The following ALDH1L1 variants were observed in gnomAD, a reference collection of about 807,000 sequenced individuals.
ALDH1L1 encodes the protein aldehyde dehydrogenase 1 family member L1.
ALDH1L1 carries 68 observed loss-of-function variants against 101.1 expected under a neutral mutation model. The observed-to-expected ratio is 0.67, with a 90% CI of 0.55 to 0.82. The LOEUF is 0.82. Ranked by LOEUF, ALDH1L1 falls within the 40% of genes least tolerant of loss-of-function variation. ALDH1L1 has a pLI of 0.00. For synonymous variants in ALDH1L1, 486 were observed against 470.8 expected (o/e 1.03, Z -0.42); for missense variants, 1,087 against 1,172.7 (o/e 0.93, Z 1.07).
intron 12 of ALDH1L1, among the ~76,000 whole-genome samples, 198 bp from the exon 13 acceptor site, chr3:126,131,732 C>T (rs1051160417): frequency 6.6e-6 from 1 of 152,228 alleles, no homozygotes; most frequent in African/African-American, 2.4e-5. Flanking sequence ...AGGATGACAC[C>T]CTCTGTCCCT....
intron 17 of ALDH1L1, 67 bp from the exon 18 acceptor site, chr3:126,114,723 T>G (rs1342041080): frequency 1.4e-6 from 2 of 1,471,028 alleles, no homozygotes; most frequent in Non-Finnish European, 1.9e-6. Context: ...GGACCCCAGG[T>G]GGCAGGGACC....
intron 19 of ALDH1L1, among the ~76,000 whole-genome samples, chr3:126,112,322 C>A (rs1223665351): frequency 6.6e-6 from 1 of 152,222 alleles, no homozygotes. Context: ...CACAGCCTGG[C>A]CACTTGGCTC....
At chr3:126,111,837 G>A (rs1411606313) in intron 19 of ALDH1L1, among the ~76,000 whole-genome samples, 1 of 152,214 alleles carries the variant, frequency 6.6e-6, no homozygotes, top group Non-Finnish European at 1.5e-5. Context: ...GGGCGGTGGG[G>A]GGCGGTGCTC....
rs759680578 is a variant in ALDH1L1, at chr3:126,131,456, C to T, written c.1551G>A (p.Leu517=). Residue 517 remains leucine, a synonymous_variant, in exon 13 of 23, where the codon CTG becomes CTA. Coordinates refer to ENST00000393434, the MANE Select transcript of ALDH1L1 (RefSeq NM_012190.4). ...EALDAGAVYT[L]ALKTHVGMSI... is the part of the protein sequence containing the mutation. ...ACATGCCCACGTGGGTCTTCAGGGCCAGCGTGTAGACGGCACCCGCATCCA... is the reference window on the plus strand; with the variant it reads ...ACATGCCCACGTGGGTCTTCAGGGCTAGCGTGTAGACGGCACCCGCATCCA... 17 of 1,613,466 alleles carry T rather than the reference C, an allele frequency of 1.1e-5. No homozygotes were observed. Among genetic ancestry groups the T allele is most frequent in the Non-Finnish European group, 2.5e-6 (3 of 1,179,540 alleles).
intron 1 of ALDH1L1, among the ~76,000 whole-genome samples, chr3:126,178,303 C>T (rs1468058214): frequency 6.7e-6 from 1 of 149,764 alleles, no homozygotes; most frequent in Admixed American, 6.7e-5. Flanking sequence ...ATCACTTGAG[C>T]CCAGGAGTTC....
In ALDH1L1 at chr3:126,110,113, C is replaced by G. The variant is rs374600464; in HGVS notation, c.2182-4G>C. On this transcript the variant is annotated splice_region_variant and splice_polypyrimidine_tract_variant and intron_variant, in intron 19 of 22. Coordinates refer to ENST00000393434, the MANE Select transcript of ALDH1L1 (RefSeq NM_012190.4). ...TCATCTTCCGCACCTCTTCTACCTG[C>G]AGAAAGTCCTCCAAGTCAGGTGTGG... 1 of 1,613,946 alleles carries G rather than the reference C, an allele frequency of 6.2e-7. No individual in the cohort carries two copies. Among genetic ancestry groups the G allele is most frequent in the South Asian group, 1.1e-5 (1 of 91,038 alleles).
chr3:126,136,364 G>T (rs899880833), intron 11 of ALDH1L1, among the ~76,000 whole-genome samples: 1 of 152,162 alleles, frequency 6.6e-6, no homozygotes, highest in Non-Finnish European at 1.5e-5. Context: ...AGTCAAGAAG[G>T]AGTGGCAAAC....
Position 126,146,459 on chromosome 3 carries a change from T to C in ALDH1L1, c.1076+376A>G, listed in dbSNP as rs186928864. Among the ~76,000 whole-genome samples the C allele has an allele frequency of 2.2e-3, 331 of 152,296 alleles. 1 individual carries two copies. Among genetic ancestry groups the C allele is most frequent in the African/African-American group, 7.6e-3 (314 of 41,544 alleles). The stretch of plus-strand genomic sequence containing the variant: ...ACCATAGTACTGTGAGCTAAGGATA[T>C]GGTGTTGGTTTAAATCTCAATGTTT... On this transcript the variant is annotated intron_variant, in intron 9 of 22. Coordinates refer to ENST00000393434, the MANE Select transcript of ALDH1L1 (RefSeq NM_012190.4).
intron 4 of ALDH1L1, chr3:126,155,737 A>T (rs1367684846): frequency 4.6e-6 from 2 of 438,914 alleles, no homozygotes; most frequent in Middle Eastern, 5.7e-4. Flanking sequence ...GATTACATAG[A>T]TCTTACATCT....
chr3:126,135,801 G>T (rs1022896890), intron 11 of ALDH1L1, 139 bp from the exon 12 acceptor site: 2 of 1,088,450 alleles, frequency 1.8e-6, no homozygotes, highest in African/African-American at 3.3e-5. Context: ...GAGAAGCATG[G>T]CCAAAGGACA....
intron 1 of ALDH1L1, among the ~76,000 whole-genome samples, chr3:126,177,936 G>A (rs1450958332): frequency 6.6e-6 from 1 of 152,156 alleles, no homozygotes; most frequent in Non-Finnish European, 1.5e-5. Flanking sequence ...CCAGCTACTC[G>A]AGAGGCTGAG....
Position 126,131,458 on chromosome 3 carries a change from G to A in ALDH1L1, c.1549C>T (p.Leu517=). 1.2e-6 allele frequency: 2 copies of A among 1,613,536 alleles called. No individual in the cohort carries two copies. Among genetic ancestry groups the A allele is most frequent in the East Asian group, 4.5e-5 (2 of 44,868 alleles). ...EALDAGAVYT[L]ALKTHVGMSI... Reference sequence around the variant, plus strand: ...ATGCCCACGTGGGTCTTCAGGGCCAGCGTGTAGACGGCACCCGCATCCAGG... The same window carrying A: ...ATGCCCACGTGGGTCTTCAGGGCCAACGTGTAGACGGCACCCGCATCCAGG... The change falls in exon 13 of 23, where the codon CTG becomes TTG. Residue 517 remains leucine, a synonymous_variant. Transcript: ENST00000393434.
At position 126,158,493 on chromosome 3, in the gene ALDH1L1, T is replaced by C. The variant is rs1559962748; in HGVS notation, c.274A>G (p.Met92Val). 3.1e-6 allele frequency: 5 copies of C among 1,614,150 alleles called. No homozygotes were observed. Among genetic ancestry groups the C allele is most frequent in the South Asian group, 1.1e-5 (1 of 91,080 alleles). The change falls in exon 3 of 23, where the codon ATG (methionine) becomes GTG (valine). Residue 92 changes from methionine to valine, a missense_variant. Around this residue, in one of 2 missense-constraint regions of ALDH1L1, gnomAD observed 645 missense variants for 637.0 expected, o/e 1.01. Coordinates refer to ENST00000393434, the MANE Select transcript of ALDH1L1 (RefSeq NM_012190.4). ...VLPFCSQFIP[M>V]EIISAPRHGS... ...TGCCGGGGGGCACTGATTATCTCCA[T>C]GGGGATGAATTGGCTGCAGAAGGGC...
Position 126,118,024 on chromosome 3 carries a change from C to T in ALDH1L1, c.1963G>A (p.Gly655Ser). 1 of 1,613,972 alleles carries T rather than the reference C, an allele frequency of 6.2e-7. No individual in the cohort carries two copies. The highest frequency in any genetic ancestry group is 8.5e-7 in the Non-Finnish European group (1 of 1,179,982). Residue 655 changes from glycine (G) to serine (S), a missense_variant, in exon 17 of 23, where the codon GGC (glycine) becomes AGC (serine). By Grantham distance (56) the Gly-to-Ser change is moderately conservative. Coordinates refer to ENST00000393434, the MANE Select transcript of ALDH1L1 (RefSeq NM_012190.4). ...ACGCACCTTTTCATGATGTGCTTGC[C>T]CACCTCTGTGGAGCCTGTGAACCCG... is the stretch of plus-strand genomic sequence containing the variant. ...KIGFTGSTEV[G>S]KHIMKSCAIS... is the part of the protein sequence containing the mutation.
At chr3:126,161,136 G>A (rs998308525) in intron 1 of ALDH1L1, 134 bp from the exon 2 acceptor site, 4 of 991,636 alleles carry the variant, frequency 4.0e-6, no homozygotes, top group Non-Finnish European at 2.9e-6. Flanking sequence ...TGGGTGGCAG[G>A]CCACTGAGGG....
chr3:126,141,625 C>A (rs1387757991), intron 9 of ALDH1L1, among the ~76,000 whole-genome samples: 1 of 151,930 alleles, frequency 6.6e-6, no homozygotes, highest in African/African-American at 2.4e-5. Context: ...AAGAAGAACA[C>A]ACGAGAAACT....
chr3:126,150,353 T>C, intron 8 of ALDH1L1, 53 bp downstream of exon 8: 5 of 1,541,266 alleles, frequency 3.2e-6, no homozygotes, highest in East Asian at 4.9e-5. Context: ...GCAGAACACA[T>C]GTGCACGGCA....
chr3:126,155,643 C>T, intron 4 of ALDH1L1, 140 bp from the exon 5 acceptor site: 1 of 618,272 alleles, frequency 1.6e-6, no homozygotes, highest in African/African-American at 1.9e-5. Flanking sequence ...GAAACACCTG[C>T]CATATGAACA....
intron 1 of ALDH1L1, among the ~76,000 whole-genome samples, chr3:126,176,538 C>T (rs182364108): frequency 1.3e-5 from 2 of 152,244 alleles, no homozygotes; most frequent in African/African-American, 4.8e-5. Context: ...TCAATACAGT[C>T]AACTGAACTT....
Sources: allele counts gnomAD v4.1 joint callset (sites outside exome capture counted in the v4.1 genomes callset), GRCh38; gene constraint gnomAD v4.1.1; regional missense constraint gnomAD v4.1.1; transcripts MANE v1.5; gene names NCBI Gene and HGNC (gene_info 2026-07-23, HGNC 2026-07-21).